Variants in CLASP2 observed in about 807,000 individuals in gnomAD.
The protein encoded by CLASP2 is CLIP-associating protein 2.
A neutral mutation model predicts 194.4 loss-of-function variants in CLASP2; 47 were observed. That is an observed-to-expected ratio of 0.24 (90% CI 0.19 to 0.31). The LOEUF (loss-of-function observed/expected upper bound fraction) is 0.31. Among genes scored for constraint, CLASP2 ranks in the 10% least tolerant of loss-of-function variants. CLASP2 has a pLI of 1.00. For synonymous variants in CLASP2, 619 were observed against 633.5 expected (o/e 0.98, Z 0.34); for missense variants, 1,445 against 1,823.6 (o/e 0.79, Z 3.78).
intron 21 of CLASP2, 84 bp downstream of exon 21, chr3:33,592,311 C>T: frequency 1.0e-6 from 1 of 953,676 alleles, no homozygotes; most frequent in Non-Finnish European, 1.7e-6. Context: ...ATCCACTGGT[C>T]AATCGTCTAA....
At chr3:33,534,952 A>C (rs1471117439) in intron 34 of CLASP2, among the ~76,000 whole-genome samples, 1 of 152,154 alleles carries the variant, frequency 6.6e-6, no homozygotes, top group Non-Finnish European at 1.5e-5. Flanking sequence ...TCTAGAGGTA[A>C]AGTAAATTTA....
chr3:33,647,722 T>C (rs2082504480), intron 7 of CLASP2, among the ~76,000 whole-genome samples: 1 of 152,170 alleles, frequency 6.6e-6, no homozygotes, highest in African/African-American at 2.4e-5. Context: ...CAATCTCTGC[T>C]CTAGGCTAAC....
chr3:33,554,979 T>C (rs2060670503), intron 29 of CLASP2: 3 of 152,124 alleles, frequency 2.0e-5, no homozygotes, highest in Non-Finnish European at 2.9e-5. Context: ...TCTTGATAAA[T>C]AAACAATTAA....
At chr3:33,643,689 A>G (rs1269319043) in intron 8 of CLASP2, among the ~76,000 whole-genome samples, 1 of 151,968 alleles carries the variant, frequency 6.6e-6, no homozygotes, top group Non-Finnish European at 1.5e-5. Flanking sequence ...GACACAGAAG[A>G]TCGTTTAAAT....
At chr3:33,594,595 T>C (rs1172330352) in intron 20 of CLASP2, among the ~76,000 whole-genome samples, 1 of 151,656 alleles carries the variant, frequency 6.6e-6, no homozygotes, top group Non-Finnish European at 1.5e-5. Context: ...ATAAATGAAT[T>C]GGCATAAATA....
intron 12 of CLASP2, among the ~76,000 whole-genome samples, chr3:33,612,984 G>A (rs577784705): frequency 6.6e-6 from 1 of 152,226 alleles, no homozygotes; most frequent in South Asian, 2.1e-4. Flanking sequence ...GGTTGACTAT[G>A]GTTAACAACA....
At chr3:33,688,748 T>C (rs1182813789) in intron 3 of CLASP2, among the ~76,000 whole-genome samples, 1 of 152,184 alleles carries the variant, frequency 6.6e-6, no homozygotes, top group African/African-American at 2.4e-5. Flanking sequence ...TGGTCCAACA[T>C]TGCCTAGCAA....
chr3:33,568,199 T>C lies in CLASP2; in HGVS notation c.2764-1465A>G, dbSNP rs557230916. Among the ~76,000 whole-genome samples, 13 of 152,226 alleles carry C rather than the reference T, an allele frequency of 8.5e-5. No individual in the cohort carries two copies. In the South Asian group the frequency reaches 2.3e-3, roughly 27 times the overall value. On this transcript the variant is annotated intron_variant, in intron 26 of 38. Coordinates refer to ENST00000682230, the MANE Select transcript of CLASP2 (RefSeq NM_001365631.1). ...TGGCCTGCAAGCTATTTCTAATTCT[T>C]ACACTTTAAAAAATGACTTTAAAAG...
At chr3:33,564,741 C>T (rs540499452) in intron 27 of CLASP2, among the ~76,000 whole-genome samples, 1 of 152,064 alleles carries the variant, frequency 6.6e-6, no homozygotes, top group African/African-American at 2.4e-5. Context: ...CAGGCATGCA[C>T]CATCATGTCC....
At chr3:33,717,129 A>G (rs2093335333) in intron 1 of CLASP2, among the ~76,000 whole-genome samples, 2 of 152,116 alleles carry the variant, frequency 1.3e-5, no homozygotes, top group African/African-American at 4.8e-5. Context: ...TTTCCCCCCC[A>G]GCATTAGCCT....
rs1485811658 is a variant in CLASP2 at position 33,502,861 on chromosome 3, AAT to A, written c.4318-1095_4318-1094del. On this transcript the variant is annotated intron_variant, in intron 37 of 38. Coordinates refer to ENST00000682230, the MANE Select transcript of CLASP2 (RefSeq NM_001365631.1). ...TGTTAATTTTATTTTCCATCATTTTAATATAATTGCAATTATAATGTAAATTA... is the reference window on the plus strand; with the variant it reads ...TGTTAATTTTATTTTCCATCATTTTAATAATTGCAATTATAATGTAAATTA... 4 of 152,350 alleles carry A rather than the reference AAT, an allele frequency of 2.6e-5. No homozygotes were observed. In the East Asian group the frequency reaches 7.7e-4, roughly 29 times the overall value. The allele number at this position is 152,350 out of a possible 1,614,324, so 9.4% of individuals were successfully genotyped here.
Position 33,592,647 on chromosome 3 carries a change from A to G in CLASP2, c.1967-151T>C, listed in dbSNP as rs755712246. 4.2e-5 allele frequency: 30 copies of G among 710,414 alleles called. No homozygotes were observed. In the South Asian group the frequency reaches 4.9e-4, roughly 12 times the overall value. 44.0% of individuals were successfully genotyped at this position (710,414 alleles called of 1,614,324 possible). On this transcript the variant is annotated intron_variant, in intron 20 of 38. Transcript: ENST00000682230. ...GTTCTATTTCTCTTAAAAATTTTATAAACAGTAATTTTTTTTTTACGTGTT... is the reference window on the plus strand; with the variant it reads ...GTTCTATTTCTCTTAAAAATTTTATGAACAGTAATTTTTTTTTTACGTGTT...
chr3:33,669,011 A>G (rs931427897), intron 6 of CLASP2, among the ~76,000 whole-genome samples: 2 of 152,252 alleles, frequency 1.3e-5, no homozygotes, highest in African/African-American at 4.8e-5. Context: ...TAATTCTGAT[A>G]AGAGGAAAAT....
At chr3:33,628,006 T>C (rs968453794) in intron 9 of CLASP2, among the ~76,000 whole-genome samples, 2 of 152,110 alleles carry the variant, frequency 1.3e-5, no homozygotes, top group African/African-American at 2.4e-5. Context: ...TATAACCATA[T>C]TGTTGACCAT....
At chr3:33,673,467 A>T (rs1042670035) in intron 6 of CLASP2, among the ~76,000 whole-genome samples, 6 of 152,198 alleles carry the variant, frequency 3.9e-5, no homozygotes, top group African/African-American at 1.2e-4. Context: ...AGGAACAACC[A>T]GTACCAGCCA....
intron 7 of CLASP2, among the ~76,000 whole-genome samples, chr3:33,659,904 G>A (rs1413228770): frequency 6.6e-6 from 1 of 152,214 alleles, no homozygotes; most frequent in Non-Finnish European, 1.5e-5. Flanking sequence ...TAGACTGGAA[G>A]TTATCTTATT....
chr3:33,588,363 C>A (rs2067899336), intron 21 of CLASP2, among the ~76,000 whole-genome samples: 1 of 152,160 alleles, frequency 6.6e-6, no homozygotes, highest in Non-Finnish European at 1.5e-5. Flanking sequence ...AGAAAATACC[C>A]ATATTTGCAA....
intron 12 of CLASP2, among the ~76,000 whole-genome samples, chr3:33,616,246 T>C (rs2076143281): frequency 1.3e-5 from 2 of 152,038 alleles, no homozygotes; most frequent in East Asian, 1.9e-4. Context: ...GGCGAGAGGA[T>C]TGCCAACATT....
chr3:33,575,780 A>G (rs2064745612), intron 24 of CLASP2, among the ~76,000 whole-genome samples: 2 of 152,152 alleles, frequency 1.3e-5, no homozygotes, highest in Non-Finnish European at 2.9e-5. Flanking sequence ...AAACACAGAT[A>G]AAATACTAAA....
Sources: allele counts gnomAD v4.1 joint callset (sites outside exome capture counted in the v4.1 genomes callset), GRCh38; gene constraint gnomAD v4.1.1; transcripts MANE v1.5; gene names NCBI Gene and HGNC (gene_info 2026-07-23, HGNC 2026-07-21).